Variants in SMCHD1 observed in about 807,000 individuals in gnomAD.
The protein encoded by SMCHD1 is structural maintenance of chromosomes flexible hinge domain containing 1.
In SMCHD1, 78 loss-of-function variants were observed where a neutral mutation model predicts 254.7. That is an observed-to-expected ratio of 0.31 (90% CI 0.26 to 0.37). The LOEUF is 0.37. SMCHD1 is among the 10% of genes least tolerant of loss of function. The pLI is 1.00. For missense variants in SMCHD1, 1,840 were observed against 2,408.1 expected (o/e 0.76, Z 4.94); for synonymous variants, 766 against 794.9 (o/e 0.96, Z 0.61).
intron 1 of SMCHD1, among the ~76,000 whole-genome samples, 176 bp downstream of exon 1, chr18:2,656,437 G>A (rs1407201383): frequency 6.6e-6 from 1 of 152,212 alleles, no homozygotes; most frequent in Non-Finnish European, 1.5e-5. Flanking sequence ...GACGCCTCGG[G>A]CGGGCCCTGG....
intron 15 of SMCHD1, chr18:2,707,352 G>GT (rs375152655): frequency 0.033 from 9,476 of 290,434 alleles, no homozygotes; most frequent in East Asian, 0.05. Context: ...ATTCCAAAAG[G>GT]TTTTTTTTTT....
At chr18:2,708,179 G>T (rs80127732) in intron 17 of SMCHD1, among the ~76,000 whole-genome samples, 1 of 152,028 alleles carries the variant, frequency 6.6e-6, no homozygotes, top group African/African-American at 2.4e-5. Context: ...ATATGTAGAA[G>T]AATTTGCAGT....
chr18:2,661,066 A>G (rs571814559), intron 1 of SMCHD1, among the ~76,000 whole-genome samples: 141 of 152,302 alleles, frequency 9.3e-4, no homozygotes, highest in African/African-American at 3.2e-3. Context: ...TTCTCAGCAA[A>G]CTAACACAGG....
intron 5 of SMCHD1, among the ~76,000 whole-genome samples, chr18:2,685,482 T>C (rs1241725171): frequency 6.6e-6 from 1 of 152,188 alleles, no homozygotes; most frequent in Non-Finnish European, 1.5e-5. Flanking sequence ...TATAACCATT[T>C]TAAAGTATAT....
rs201469075 is a variant in SMCHD1, at chr18:2,732,508, A to G, written c.3276+16A>G. 1.3e-6 allele frequency: 2 copies of G among 1,494,412 alleles called. No individual in the cohort carries two copies. The highest frequency in any genetic ancestry group is 1.8e-6 in the Non-Finnish European group (2 of 1,092,116). The allele number at this position is 1,494,412 out of a possible 1,614,324, so 92.6% of individuals were successfully genotyped here. A position where few individuals can be genotyped will look rare whatever the true frequency, so the allele number is the denominator to read the frequency against. ...AAAAATTAAAGTAAGTATCTCTAACAGATTGGTTATTTGTAAGAACTTTTT... is the reference window on the plus strand; with the variant it reads ...AAAAATTAAAGTAAGTATCTCTAACGGATTGGTTATTTGTAAGAACTTTTT... On this transcript the variant is annotated intron_variant, in intron 25 of 47. Coordinates refer to ENST00000320876, the MANE Select transcript of SMCHD1 (RefSeq NM_015295.3).
intron 35 of SMCHD1, 81 bp from the exon 36 acceptor site, chr18:2,762,024 G>A: frequency 9.1e-7 from 1 of 1,095,894 alleles, no homozygotes; most frequent in Non-Finnish European, 1.3e-6. Context: ...TTTAGTATGT[G>A]CCATTGTTAT....
intron 35 of SMCHD1, among the ~76,000 whole-genome samples, chr18:2,761,831 A>G (rs112790347): frequency 5.9e-5 from 9 of 151,984 alleles, no homozygotes; most frequent in African/African-American, 2.2e-4. Flanking sequence ...AAAACAAAAA[A>G]CTGTCGGTAT....
intron 1 of SMCHD1, among the ~76,000 whole-genome samples, chr18:2,661,108 C>T (rs2073238388): frequency 6.6e-6 from 1 of 152,140 alleles, no homozygotes; most frequent in Non-Finnish European, 1.5e-5. Flanking sequence ...TGTTCTCACT[C>T]ATAAGTGGGA....
In SMCHD1 at chr18:2,666,933, C is replaced by T; in HGVS notation, c.326C>T (p.Thr109Ile). The T allele has an allele frequency of 6.2e-7, 1 of 1,612,804 alleles. No individual in the cohort carries two copies. Among genetic ancestry groups the T allele is most frequent in the African/African-American group, 1.3e-5 (1 of 75,010 alleles). Residue 109 changes from threonine (T) to isoleucine (I), a missense_variant, in exon 3 of 48, where the codon ACA (threonine) becomes ATA (isoleucine). Around this residue, in one of 9 missense-constraint regions of SMCHD1, gnomAD observed 37 missense variants for 54.2 expected, o/e 0.68. Coordinates refer to ENST00000320876, the MANE Select transcript of SMCHD1 (RefSeq NM_015295.3). ...LLQSVNQLLL[T>I]ATKERIDFLP... ...CAGTCGGTCAATCAGTTACTACTGACAGCTACGAAAGAACGAATTGACTTC... is the reference window on the plus strand; with the variant it reads ...CAGTCGGTCAATCAGTTACTACTGATAGCTACGAAAGAACGAATTGACTTC...
chr18:2,752,944 TA>T (rs2143634744), intron 34 of SMCHD1: 1 of 177,742 alleles, frequency 5.6e-6, no homozygotes, highest in African/African-American at 2.4e-5. Flanking sequence ...CATTATGTGT[TA>T]AGTTTCTTTA....
chr18:2,766,215 G>A lies in SMCHD1; in HGVS notation c.4719+2426G>A, dbSNP rs147465544. ...TCACCGTGTTTGCCAGGATGGTCTCGATCTCCTGACCTTGTGATCCACCCG... is the reference window on the plus strand; with the variant it reads ...TCACCGTGTTTGCCAGGATGGTCTCAATCTCCTGACCTTGTGATCCACCCG... On this transcript the variant is annotated intron_variant, in intron 37 of 47. Transcript: ENST00000320876. Among the ~76,000 whole-genome samples, 1,405 of 152,176 alleles carry A rather than the reference G, an allele frequency of 9.2e-3. 24 individuals carry two copies. The highest frequency in any genetic ancestry group is 0.032 in the African/African-American group (1,314 of 41,542).
intron 29 of SMCHD1, among the ~76,000 whole-genome samples, chr18:2,746,126 C>T (rs1448149701): frequency 6.6e-6 from 1 of 151,916 alleles, no homozygotes; most frequent in African/African-American, 2.4e-5. Context: ...AGTTCAAGAC[C>T]AGGTGGGGCA....
chr18:2,662,263 T>C (rs1383827736), intron 1 of SMCHD1, among the ~76,000 whole-genome samples: 3 of 151,636 alleles, frequency 2.0e-5, no homozygotes, highest in African/African-American at 7.3e-5. Flanking sequence ...ATGGAATAAT[T>C]AGATATGTTT....
At position 2,660,762 on chromosome 18, in the gene SMCHD1, G is replaced by A. The variant is rs373944049; in HGVS notation, c.186+4501G>A. 2.0e-5 allele frequency among the ~76,000 whole-genome samples: 3 copies of A among 152,010 alleles called. No individual in the cohort carries two copies. In the East Asian group the frequency reaches 5.8e-4, roughly 29 times the overall value. ...AAAAGTGCTGGGATTACAGGCATGC[G>A]CCACCATGCCCCCTGGAAAATCCAT... On this transcript the variant is annotated intron_variant, in intron 1 of 47. Coordinates refer to ENST00000320876, the MANE Select transcript of SMCHD1 (RefSeq NM_015295.3).
chr18:2,736,086 G>C (rs2075243886), intron 25 of SMCHD1, among the ~76,000 whole-genome samples: 1 of 152,170 alleles, frequency 6.6e-6, no homozygotes, highest in Non-Finnish European at 1.5e-5. Context: ...GGAGGTTAGA[G>C]AGCCCAGAAA....
chr18:2,762,488 C>G (rs1451414490), intron 36 of SMCHD1, among the ~76,000 whole-genome samples: 3 of 138,390 alleles, frequency 2.2e-5, no homozygotes, highest in African/African-American at 7.7e-5. Context: ...CTCAATCTGC[C>G]TACCTTTTTT....
In SMCHD1 at chr18:2,696,461, C is replaced by CTA. The variant is rs2074287694; in HGVS notation, c.1041-570_1041-569dup. 2.0e-5 allele frequency among the ~76,000 whole-genome samples: 3 copies of CTA among 152,282 alleles called. No homozygotes were observed. The South Asian group carries it at 6.2e-4, about 32-fold the overall frequency. Reference sequence around the variant, plus strand: ...GATATTGCGTGCTCCTTATGAGACTCTAGTGCTTGTCGATCTGAGGTGGAA... The same window carrying CTA: ...GATATTGCGTGCTCCTTATGAGACTCTATAGTGCTTGTCGATCTGAGGTGGAA... On this transcript the variant is annotated intron_variant, in intron 8 of 47. Coordinates refer to ENST00000320876, the MANE Select transcript of SMCHD1 (RefSeq NM_015295.3).
chr18:2,712,861 G>C (rs967756277), intron 17 of SMCHD1, among the ~76,000 whole-genome samples: 1 of 152,120 alleles, frequency 6.6e-6, no homozygotes. Flanking sequence ...TAGGAAACTA[G>C]TCATAGCTCT....
rs557119429 is a variant in SMCHD1, at chr18:2,767,751, C to T, written c.4720-1943C>T. Among the ~76,000 whole-genome samples, 282 of 151,780 alleles carry T rather than the reference C, an allele frequency of 1.9e-3. 2 individuals carry two copies. The highest frequency in any genetic ancestry group is 6.6e-3 in the African/African-American group (274 of 41,408). The stretch of plus-strand genomic sequence containing the variant: ...ACTACAGGCGCGTGCCCACCACACC[C>T]AGCTGATTTTTGTTTTTTCAGTAGA... On this transcript the variant is annotated intron_variant, in intron 37 of 47. Coordinates refer to ENST00000320876, the MANE Select transcript of SMCHD1 (RefSeq NM_015295.3).
Sources: gnomAD v4.1 joint callset for allele counts (sites outside exome capture counted in the v4.1 genomes callset) on GRCh38, gnomAD v4.1.1 for gene constraint, gnomAD v4.1.1 regional missense constraint, MANE v1.5 for transcripts, NCBI Gene and HGNC (gene_info 2026-07-23, HGNC 2026-07-21) for gene names.